SYNPR: variants seen among roughly 807,000 people sequenced by gnomAD.
SYNPR encodes synaptoporin.
Under a neutral mutation model 32.9 loss-of-function variants are expected in SYNPR, and 23 were observed. The ratio of observed to expected loss-of-function variants is 0.70; its 90% CI spans 0.50 to 0.99. SYNPR has a LOEUF of 0.99. Among genes scored for constraint, SYNPR ranks in the 50% least tolerant of loss-of-function variants. The probability of loss-of-function intolerance (pLI) is 0.00; values close to 1 mark genes in which losing one functional copy is unlikely to be tolerated. For missense variants in SYNPR, 318 were observed against 349.3 expected (o/e 0.91, Z 0.71); for synonymous variants, 146 against 135.9 (o/e 1.07, Z -0.52).
At chr3:63,253,393 A>G (rs1307232250) in intron 2 of SYNPR, among the ~76,000 whole-genome samples, 2 of 152,348 alleles carry the variant, frequency 1.3e-5, no homozygotes, top group Non-Finnish European at 2.9e-5. Flanking sequence ...CAACTGTAGC[A>G]TCATTTGGAC....
chr3:63,610,216 G>T (rs2106905342), intron 5 of SYNPR, among the ~76,000 whole-genome samples: 1 of 152,272 alleles, frequency 6.6e-6, no homozygotes, highest in East Asian at 1.9e-4. Flanking sequence ...TTATCATCAA[G>T]AGTTATGGCT....
intron 4 of SYNPR, among the ~76,000 whole-genome samples, chr3:63,569,668 CGTA>C (rs1340731442): frequency 1.3e-5 from 2 of 152,236 alleles, no homozygotes; most frequent in Admixed American, 1.3e-4. Context: ...GCCACGCAAG[CGTA>C]GGCCCAGTGC....
chr3:63,500,044 TTAAG>T (rs532935370), intron 3 of SYNPR, among the ~76,000 whole-genome samples: 137 of 152,296 alleles, frequency 9.0e-4, no homozygotes, highest in African/African-American at 3.0e-3. Context: ...GGAATCTGCA[TTAAG>T]TAATAGAAAG....
intron 2 of SYNPR, among the ~76,000 whole-genome samples, chr3:63,383,419 G>T (rs1173309378): frequency 1.3e-5 from 2 of 152,116 alleles, no homozygotes; most frequent in Non-Finnish European, 2.9e-5. Flanking sequence ...CATAGCAAAA[G>T]AATAAAAGAG....
intron 4 of SYNPR, among the ~76,000 whole-genome samples, chr3:63,572,032 T>A (rs986666229): frequency 6.6e-6 from 1 of 152,198 alleles, no homozygotes; most frequent in Admixed American, 6.5e-5. Flanking sequence ...CAAGCTCCAA[T>A]GTGTGTGTAC....
upstream of SYNPR, chr3:63,278,201 C>T (rs2086593917): frequency 7.4e-6 from 2 of 269,938 alleles, no homozygotes; most frequent in Non-Finnish European, 1.4e-5. Context: ...TCGCCCACCT[C>T]CTCGCCCTCC....
the SYNPR span, chr3:63,203,593 T>C: frequency 1.3e-5 from 2 of 152,226 alleles, no homozygotes; most frequent in African/African-American, 4.8e-5. Context: ...TGGTGGCCTA[T>C]CATTCTTGCC....
At chr3:63,376,730 G>A (rs921742432) in intron 2 of SYNPR, among the ~76,000 whole-genome samples, 4 of 152,084 alleles carry the variant, frequency 2.6e-5, no homozygotes, top group African/African-American at 9.7e-5. Context: ...ATTTATTAGA[G>A]TAATTATTAT....
intron 2 of SYNPR, among the ~76,000 whole-genome samples, chr3:63,298,683 A>C (rs146853785): frequency 2.3e-3 from 343 of 152,280 alleles, no homozygotes; most frequent in Middle Eastern, 0.014. Context: ...GGATTCCCCA[A>C]AAACAGACTC....
Position 63,437,579 on chromosome 3 carries a change from G to A in SYNPR, c.85-43253G>A, listed in dbSNP as rs1700106898. 2.0e-5 allele frequency among the ~76,000 whole-genome samples: 3 copies of A among 147,148 alleles called. No individual in the cohort carries two copies. In the South Asian group the frequency reaches 6.9e-4, roughly 34 times the overall value. ...AGGAGAGACAGAGAAAGAAAGAAGA[G>A]TGAGAGAGAGAGAGAAAGAAAGAAG... On this transcript the variant is annotated intron_variant, in intron 2 of 5. Coordinates refer to ENST00000478300, the MANE Select transcript of SYNPR (RefSeq NM_001130003.2).
At chr3:63,546,524 A>G (rs556299787) in intron 3 of SYNPR, among the ~76,000 whole-genome samples, 69 of 152,108 alleles carry the variant, frequency 4.5e-4, no homozygotes, top group Non-Finnish European at 8.7e-4. Flanking sequence ...TTCCAGCCTT[A>G]TCTTCACATG....
intron 2 of SYNPR, among the ~76,000 whole-genome samples, chr3:63,315,181 T>A (rs2106959972): frequency 7.1e-6 from 1 of 140,146 alleles, no homozygotes; most frequent in Middle Eastern, 3.6e-3. Context: ...TGCTTCCAGA[T>A]TTGTTCTTTT....
chr3:63,480,821 G>C lies in SYNPR; in HGVS notation c.85-11G>C, dbSNP rs750152124. The C allele has an allele frequency of 7.4e-6, 12 of 1,612,262 alleles. No homozygotes were observed. The highest frequency in any genetic ancestry group is 1.0e-5 in the Non-Finnish European group (12 of 1,178,786). On this transcript the variant is annotated splice_polypyrimidine_tract_variant and intron_variant, in intron 2 of 5. Transcript: ENST00000478300. ...ATAACTGCCTTCTATTTGTTTAATT[G>C]TTCTCCACAGCTTTTTGCAATCTTT...
At chr3:63,579,416 C>A (rs529133621) in intron 4 of SYNPR, among the ~76,000 whole-genome samples, 1 of 152,112 alleles carries the variant, frequency 6.6e-6, no homozygotes, top group Non-Finnish European at 1.5e-5. Flanking sequence ...ACTTCAGCAC[C>A]CATTTCCCCA....
rs369562327 is a variant in SYNPR, at chr3:63,477,980, G to A, written c.85-2852G>A. 7.2e-5 allele frequency among the ~76,000 whole-genome samples: 11 copies of A among 152,306 alleles called. No individual in the cohort carries two copies. The East Asian group carries it at 2.1e-3, about 29-fold the overall frequency. ...CAGGCCTGGATGTCTGCCTCAGCCT[G>A]TTCGTTGATCAAAGTACATCCATGT... On this transcript the variant is annotated intron_variant, in intron 2 of 5. Transcript: ENST00000478300.
intron 2 of SYNPR, among the ~76,000 whole-genome samples, chr3:63,435,020 A>G (rs752521384): frequency 2.0e-5 from 3 of 152,234 alleles, no homozygotes; most frequent in African/African-American, 4.8e-5. Flanking sequence ...GTAGATAATT[A>G]TATCTATCAC....
At chr3:63,448,623 A>T (rs1700323352) in intron 2 of SYNPR, among the ~76,000 whole-genome samples, 1 of 151,790 alleles carries the variant, frequency 6.6e-6, no homozygotes, top group African/African-American at 2.4e-5. Context: ...ATTTTTTTTT[A>T]ATTGGGGGAA....
intron 3 of SYNPR, among the ~76,000 whole-genome samples, chr3:63,522,732 A>G (rs1275488781): frequency 2.4e-4 from 1 of 4,140 alleles, no homozygotes; most frequent in Non-Finnish European, 3.5e-4. Context: ...CTGAGAGTCA[A>G]CCAAGCATCC....
chr3:63,269,350 G>A (rs62251328), intron 3 of SYNPR, among the ~76,000 whole-genome samples: 44,012 of 151,960 alleles, frequency 0.29, 7,637 homozygotes, highest in Non-Finnish European at 0.39. Flanking sequence ...TTAGCTTGGC[G>A]TGGTGGTAGG....
Sources: gnomAD v4.1 joint callset for allele counts (sites outside exome capture counted in the v4.1 genomes callset) on GRCh38, gnomAD v4.1.1 for gene constraint, MANE v1.5 for transcripts, NCBI Gene and HGNC (gene_info 2026-07-23, HGNC 2026-07-21) for gene names.